PHF21B: variants seen among roughly 807,000 people sequenced by gnomAD.
The protein encoded by PHF21B is PHD finger protein 21B.
Under a neutral mutation model 62.2 loss-of-function variants are expected in PHF21B, and 22 were observed. The observed-to-expected ratio is 0.35, with a 90% CI of 0.25 to 0.51. The LOEUF is 0.51. Among genes scored for constraint, PHF21B ranks in the 20% least tolerant of loss-of-function variants. The probability of loss-of-function intolerance (pLI) is 0.97; values close to 1 mark genes in which losing one functional copy is unlikely to be tolerated. For synonymous variants in PHF21B, 341 were observed against 314.7 expected (o/e 1.08, Z -0.88); for missense variants, 701 against 707.9 (o/e 0.99, Z 0.11).
At chr22:45,003,723 A>G (rs999529524) in intron 2 of PHF21B, 4 of 152,264 alleles carry the variant, frequency 2.6e-5, no homozygotes, top group Non-Finnish European at 5.9e-5. Flanking sequence ...CACTCACAAC[A>G]GGAAAAGGTG....
chr22:44,892,107 C>T (rs1286025052), intron 7 of PHF21B, among the ~76,000 whole-genome samples: 4 of 152,320 alleles, frequency 2.6e-5, no homozygotes, highest in Admixed American at 2.6e-4. Context: ...GCCTCGTCCA[C>T]ACAGCAGCCT....
At chr22:44,893,587 A>G in intron 6 of PHF21B, 54 bp from the exon 7 acceptor site, 1 of 1,527,796 alleles carries the variant, frequency 6.5e-7, no homozygotes, top group Non-Finnish European at 8.9e-7. Context: ...TGGGAACCCC[A>G]AATGCTTCCT....
chr22:44,995,579 T>C (rs1180858256), intron 2 of PHF21B, among the ~76,000 whole-genome samples: 1 of 152,056 alleles, frequency 6.6e-6, no homozygotes, highest in Admixed American at 6.5e-5. Flanking sequence ...TCGCTAAACC[T>C]TGGGAGCTTG....
chr22:44,990,958 T>A (rs2073033905), intron 2 of PHF21B, among the ~76,000 whole-genome samples: 1 of 152,114 alleles, frequency 6.6e-6, no homozygotes, highest in Non-Finnish European at 1.5e-5. Context: ...CCTTGGAAGG[T>A]CTAACCACCA....
Position 44,896,883 on chromosome 22 carries a change from T to TTTTTTTTTTTG in PHF21B, c.832-801_832-800insCAAAAAAAAAA, listed in dbSNP as rs1555933177. Among the ~76,000 whole-genome samples, 91 of 132,338 alleles carry TTTTTTTTTTTG rather than the reference T, an allele frequency of 6.9e-4. 1 individual carries two copies. The highest frequency in any genetic ancestry group is 4.0e-3 in the Admixed American group (49 of 12,160). The allele number at this position is 132,338 out of a possible 152,430, so 86.8% of individuals were successfully genotyped here. A position where few individuals can be genotyped will look rare whatever the true frequency, so the allele number is the denominator to read the frequency against. Reference sequence around the variant, plus strand: ...AGGGTGGCACTTAGTTTTATCTGTTTTTTTTTTTTTTTTGAGACAGGTTCT... The same window carrying TTTTTTTTTTTG: ...AGGGTGGCACTTAGTTTTATCTGTTTTTTTTTTTTTGTTTTTTTTTTTTTGAGACAGGTTCT... On this transcript the variant is annotated intron_variant, in intron 5 of 12. Coordinates refer to ENST00000313237, the MANE Select transcript of PHF21B (RefSeq NM_138415.5).
intron 5 of PHF21B, chr22:44,901,936 T>C (rs2071166858): frequency 4.6e-6 from 1 of 218,442 alleles, no homozygotes. Flanking sequence ...ACTGAAGACA[T>C]GCCTTGGAAG....
intron 2 of PHF21B, among the ~76,000 whole-genome samples, chr22:44,972,349 C>T (rs1478473505): frequency 6.6e-6 from 1 of 152,154 alleles, no homozygotes; most frequent in Non-Finnish European, 1.5e-5. Context: ...TTGGGCATTT[C>T]GGCCTGTTGT....
intron 2 of PHF21B, among the ~76,000 whole-genome samples, chr22:44,978,218 G>A (rs138273439): frequency 2.3e-4 from 35 of 152,136 alleles, no homozygotes; most frequent in Admixed American, 1.6e-3. Flanking sequence ...AGATGTTTCC[G>A]AATTGTTTTC....
intron 2 of PHF21B, among the ~76,000 whole-genome samples, chr22:44,976,193 T>C (rs2072735479): frequency 6.6e-6 from 1 of 152,180 alleles, no homozygotes; most frequent in Admixed American, 6.5e-5. Context: ...TGTTTTTAAT[T>C]GACACATAAC....
intron 3 of PHF21B, among the ~76,000 whole-genome samples, chr22:44,917,723 T>C (rs2071464092): frequency 6.6e-6 from 1 of 152,220 alleles, no homozygotes; most frequent in Admixed American, 6.5e-5. Flanking sequence ...CAGAGCGCTG[T>C]ACTGCCCCGC....
At chr22:44,887,910 G>C in intron 10 of PHF21B, 53 bp downstream of exon 10, 1 of 1,375,108 alleles carries the variant, frequency 7.3e-7, no homozygotes, top group African/African-American at 1.5e-5. Flanking sequence ...CTCTGCCTAC[G>C]GTGGGGACCT....
At chr22:44,906,456 C>T (rs1327759623) in intron 5 of PHF21B, among the ~76,000 whole-genome samples, 4 of 152,206 alleles carry the variant, frequency 2.6e-5, no homozygotes, top group African/African-American at 9.6e-5. Context: ...TGTAACAGGG[C>T]TTGCTCAGAG....
chr22:44,925,514 C>A (rs2071611931), intron 2 of PHF21B, among the ~76,000 whole-genome samples: 1 of 152,176 alleles, frequency 6.6e-6, no homozygotes, highest in African/African-American at 2.4e-5. Flanking sequence ...GTCCTCTGAG[C>A]CAACTGCCTG....
intron 2 of PHF21B, 64 bp from the exon 3 acceptor site, chr22:44,920,554 C>T: frequency 7.7e-7 from 1 of 1,302,118 alleles, no homozygotes; most frequent in Non-Finnish European, 1.1e-6. Context: ...CCGTTGCCCC[C>T]AGCCTGGCCA....
At chr22:44,920,807 G>A (rs990915115) in intron 2 of PHF21B, among the ~76,000 whole-genome samples, 3 of 152,134 alleles carry the variant, frequency 2.0e-5, no homozygotes, top group African/African-American at 7.2e-5. Flanking sequence ...TTCACTTAAG[G>A]ACAAGGTGTG....
chr22:44,915,197 C>T (rs1202721667), intron 4 of PHF21B, among the ~76,000 whole-genome samples: 1 of 152,058 alleles, frequency 6.6e-6, no homozygotes, highest in Non-Finnish European at 1.5e-5. Context: ...ATTTTTATAT[C>T]CATGGGAAGA....
chr22:44,974,450 G>A lies in PHF21B; in HGVS notation c.120+34095C>T, dbSNP rs569799362. Among the ~76,000 whole-genome samples, 164 of 151,648 alleles carry A rather than the reference G, an allele frequency of 1.1e-3. 2 individuals are homozygous for A. The highest frequency in any genetic ancestry group is 3.9e-3 in the African/African-American group (163 of 41,302). On this transcript the variant is annotated intron_variant, in intron 2 of 12. Coordinates refer to ENST00000313237, the MANE Select transcript of PHF21B (RefSeq NM_138415.5). ...AATGCATATGCTTAAGGACACAGAG[G>A]TCTGCACAAACACACCCTGACATGA...
chr22:44,986,487 C>T (rs2072951524), intron 2 of PHF21B, among the ~76,000 whole-genome samples: 1 of 143,712 alleles, frequency 7.0e-6, no homozygotes, highest in African/African-American at 2.6e-5. Context: ...ATGCTCCAGG[C>T]CTTGGGTCTT....
intron 2 of PHF21B, among the ~76,000 whole-genome samples, chr22:44,983,100 G>T (rs2072872539): frequency 6.6e-6 from 1 of 152,126 alleles, no homozygotes; most frequent in South Asian, 2.1e-4. Context: ...CGGGCATGGT[G>T]GCAGGCGCCT....
Sources: allele counts gnomAD v4.1 joint callset (sites outside exome capture counted in the v4.1 genomes callset), GRCh38; gene constraint gnomAD v4.1.1; transcripts MANE v1.5; gene names NCBI Gene and HGNC (gene_info 2026-07-23, HGNC 2026-07-21).